Variants in SLCO1B3 observed in about 807,000 individuals in gnomAD.
SLCO1B3 encodes solute carrier organic anion transporter family member 1B3.
In SLCO1B3, 72 loss-of-function variants were observed where a neutral mutation model predicts 71.8. The observed-to-expected ratio is 1.00, with a 90% CI of 0.83 to 1.22. The LOEUF is 1.22. Ranked by LOEUF, SLCO1B3 falls within the 50% of genes most tolerant of loss-of-function variation. The pLI is 0.00. For synonymous variants in SLCO1B3, 298 were observed against 278.4 expected, an observed-to-expected ratio of 1.07 and a Z score of -0.70; for missense variants, 911 against 819.7, an observed-to-expected ratio of 1.11 and a Z score of -1.36.
At chr12:20,833,110 C>T (rs192275665) in intron 3 of SLCO1B3, among the ~76,000 whole-genome samples, 1 of 152,222 alleles carries the variant, frequency 6.6e-6, no homozygotes, top group Non-Finnish European at 1.5e-5. Flanking sequence ...TGGCTCATGG[C>T]CCTTTTCCGT....
At chr12:20,827,338 C>T (rs926890721) in intron 3 of SLCO1B3, among the ~76,000 whole-genome samples, 4 of 152,156 alleles carry the variant, frequency 2.6e-5, no homozygotes, top group African/African-American at 9.7e-5. Flanking sequence ...TCTTAAGTCA[C>T]ATGAACTTGA....
intron 3 of SLCO1B3, among the ~76,000 whole-genome samples, chr12:20,837,024 C>T (rs1331391612): frequency 1.3e-5 from 2 of 152,258 alleles, no homozygotes; most frequent in Middle Eastern, 3.4e-3. Flanking sequence ...TCAGTTTTTT[C>T]TTGTAGGAGT....
At chr12:20,852,941 C>A (rs763035533) in intron 3 of SLCO1B3, among the ~76,000 whole-genome samples, 1 of 152,002 alleles carries the variant, frequency 6.6e-6, no homozygotes, top group Non-Finnish European at 1.5e-5. Context: ...TTTCCTAGAA[C>A]TTCCAGCAGT....
rs115465211 is a variant in SLCO1B3 at position 20,870,715 on chromosome 12, A to T, written c.728-4520A>T. Reference sequence around the variant, plus strand: ...TTTATGCCAGTACTGTAATGTATTAATTACTTTAGCTTTGACATATATTTG... The same window carrying T: ...TTTATGCCAGTACTGTAATGTATTATTTACTTTAGCTTTGACATATATTTG... On this transcript the variant is annotated intron_variant, in intron 8 of 15. Transcript: ENST00000381545. Among the ~76,000 whole-genome samples, 912 of 152,268 alleles carry T rather than the reference A, an allele frequency of 6.0e-3. 15 individuals carry two copies. The highest frequency in any genetic ancestry group is 0.021 in the African/African-American group (893 of 41,566).
chr12:20,879,657 G>C (rs776370332), intron 11 of SLCO1B3, 26 bp downstream of exon 11: 2 of 1,415,320 alleles, frequency 1.4e-6, no homozygotes, highest in Non-Finnish European at 1.9e-6. Flanking sequence ...TATATAAATT[G>C]TGTAATATGT....
chr12:20,826,382 T>G (rs1472233315), intron 3 of SLCO1B3, among the ~76,000 whole-genome samples: 5 of 152,066 alleles, frequency 3.3e-5, no homozygotes, highest in Non-Finnish European at 7.4e-5. Flanking sequence ...AAGTTGAACT[T>G]TTGGGTTAAA....
chr12:20,882,789 G>A (rs1263416596), intron 12 of SLCO1B3, among the ~76,000 whole-genome samples: 2 of 152,108 alleles, frequency 1.3e-5, no homozygotes, highest in Non-Finnish European at 2.9e-5. Context: ...TAGAATCAGA[G>A]CAGAATTTAT....
At chr12:20,840,390 ATT>A (rs199898909) in intron 3 of SLCO1B3, among the ~76,000 whole-genome samples, 18 of 140,990 alleles carry the variant, frequency 1.3e-4, no homozygotes, top group Admixed American at 3.6e-4. Context: ...ATGCTTCTCA[ATT>A]TTTTTTTTTT....
chr12:20,860,909 T>C, intron 5 of SLCO1B3, 108 bp from the exon 6 acceptor site: 1 of 1,103,648 alleles, frequency 9.1e-7, no homozygotes, highest in South Asian at 1.5e-5. Flanking sequence ...TCTGGTAATT[T>C]GGAGAAGACA....
Position 20,858,554 on chromosome 12 carries a change from A to G in SLCO1B3, c.342A>G (p.Pro114=), listed in dbSNP as rs770452047. 13 of 1,606,598 alleles carry G rather than the reference A, an allele frequency of 8.1e-6. No homozygotes were observed. In the African/African-American group the frequency reaches 1.5e-4, roughly 18 times the overall value. Residue 114 remains proline, a synonymous_variant, in exon 5 of 16, where the codon CCA becomes CCG. Coordinates refer to ENST00000381545, the MANE Select transcript of SLCO1B3 (RefSeq NM_019844.4). ...MGTGSILTSL[P]HFFMGYYRYS... is the part of the protein sequence containing the mutation. ...CTGGAAGTATTTTGACATCTTTACC[A>G]CATTTCTTCATGGGATAGTAAGTGT...
chr12:20,819,102 G>A lies in SLCO1B3; in HGVS notation c.84+3280G>A, dbSNP rs568657937. 7.2e-3 allele frequency among the ~76,000 whole-genome samples: 1,095 copies of A among 152,310 alleles called. 16 individuals are homozygous for A. Among genetic ancestry groups the A allele is most frequent in the African/African-American group, 0.024 (1,009 of 41,558 alleles). On this transcript the variant is annotated intron_variant, in intron 3 of 15. Transcript: ENST00000381545. ...ACTAAAGCAGCGGCAGCCGCTGCAC[G>A]CGGACATGAGGGCTAGGCTAAAACA...
intron 3 of SLCO1B3, among the ~76,000 whole-genome samples, chr12:20,820,318 C>T (rs1350533244): frequency 6.6e-6 from 1 of 152,168 alleles, no homozygotes; most frequent in East Asian, 1.9e-4. Context: ...AGCCTTGGGC[C>T]AGAGTTCCAG....
At chr12:20,836,434 A>G (rs1450721601) in intron 3 of SLCO1B3, among the ~76,000 whole-genome samples, 1 of 152,090 alleles carries the variant, frequency 6.6e-6, no homozygotes, top group African/African-American at 2.4e-5. Flanking sequence ...ATCTATGTTC[A>G]TGAGTGATAT....
Position 20,841,777 on chromosome 12 carries a change from TC to T in SLCO1B3, c.85-13249del, listed in dbSNP as rs375324296. ...AGCATCTATTGTTCACCTGTTTGTGTCCATGTGTACTGTTGGGATTTTTTTA... is the reference window on the plus strand; with the variant it reads ...AGCATCTATTGTTCACCTGTTTGTGTCATGTGTACTGTTGGGATTTTTTTA... On this transcript the variant is annotated intron_variant, in intron 3 of 15. Coordinates refer to ENST00000381545, the MANE Select transcript of SLCO1B3 (RefSeq NM_019844.4). Among the ~76,000 whole-genome samples the T allele has an allele frequency of 2.1e-3, 321 of 152,280 alleles. 4 individuals carry two copies. Among genetic ancestry groups the T allele is most frequent in the African/African-American group, 7.6e-3 (314 of 41,558 alleles).
chr12:20,854,347 A>G (rs1007529704), intron 3 of SLCO1B3, among the ~76,000 whole-genome samples: 1 of 151,922 alleles, frequency 6.6e-6, no homozygotes, highest in Non-Finnish European at 1.5e-5. Flanking sequence ...CTTCAGTTGT[A>G]TCTATGTTTG....
At chr12:20,819,080 A>G (rs1864243637) in intron 3 of SLCO1B3, among the ~76,000 whole-genome samples, 1 of 152,212 alleles carries the variant, frequency 6.6e-6, no homozygotes, top group Non-Finnish European at 1.5e-5. Flanking sequence ...TAAAAGTACT[A>G]AAGCAGCGGC....
At chr12:20,887,259 G>A (rs1227523460) in intron 13 of SLCO1B3, among the ~76,000 whole-genome samples, 1 of 151,912 alleles carries the variant, frequency 6.6e-6, no homozygotes, top group Non-Finnish European at 1.5e-5. Flanking sequence ...TGGATTAAAT[G>A]GTAGTTCAAT....
chr12:20,823,015 C>G (rs967324008), intron 3 of SLCO1B3, among the ~76,000 whole-genome samples: 11 of 151,924 alleles, frequency 7.2e-5, no homozygotes, highest in Non-Finnish European at 1.6e-4. Context: ...ACCAATAGAT[C>G]CCACGTTATT....
intron 3 of SLCO1B3, among the ~76,000 whole-genome samples, chr12:20,829,951 C>T (rs970058257): frequency 6.6e-6 from 1 of 152,158 alleles, no homozygotes; most frequent in Non-Finnish European, 1.5e-5. Context: ...GGGTTTTGGC[C>T]AGCTCCTTTA....
Sources: allele counts gnomAD v4.1 joint callset (sites outside exome capture counted in the v4.1 genomes callset), GRCh38; gene constraint gnomAD v4.1.1; transcripts MANE v1.5; gene names NCBI Gene and HGNC (gene_info 2026-07-23, HGNC 2026-07-21).